Variants in CPXM2 observed in about 807,000 individuals in gnomAD.
CPXM2 encodes inactive carboxypeptidase-like protein X2.
CPXM2 carries 66 observed loss-of-function variants against 86.1 expected under a neutral mutation model. The ratio of observed to expected loss-of-function variants is 0.77; its 90% CI spans 0.63 to 0.94. The LOEUF (loss-of-function observed/expected upper bound fraction) is 0.94, where lower values mean the gene tolerates loss of function less well. Ranked by LOEUF, CPXM2 falls within the 40% of genes least tolerant of loss-of-function variation. The pLI is 0.00. For synonymous variants in CPXM2, 388 were observed against 400.2 expected (o/e 0.97, Z 0.36); for missense variants, 948 against 1,026.3 (o/e 0.92, Z 1.04).
intron 2 of CPXM2, among the ~76,000 whole-genome samples, chr10:123,935,071 C>T (rs1387023967): frequency 2.0e-5 from 3 of 152,196 alleles, no homozygotes; most frequent in Non-Finnish European, 2.9e-5. Context: ...GACTTAACTT[C>T]CTGTCTTGGT....
intron 2 of CPXM2, among the ~76,000 whole-genome samples, chr10:123,898,545 G>C (rs1417218379): frequency 6.6e-6 from 1 of 152,148 alleles, no homozygotes; most frequent in African/African-American, 2.4e-5. Flanking sequence ...GGCTGAGACA[G>C]GAGGATCACT....
chr10:123,814,821 C>G (rs1167524094), intron 4 of CPXM2, among the ~76,000 whole-genome samples: 1 of 152,086 alleles, frequency 6.6e-6, no homozygotes, highest in Non-Finnish European at 1.5e-5. Flanking sequence ...GTCAGGAGTT[C>G]AAGACCAACT....
chr10:123,934,185 G>A (rs576297546), intron 2 of CPXM2, among the ~76,000 whole-genome samples: 16 of 152,262 alleles, frequency 1.1e-4, no homozygotes, highest in South Asian at 8.3e-4. Context: ...CAATGACACC[G>A]AGCCCTGCAT....
In CPXM2 at chr10:123,746,741, C is replaced by T. The variant is rs201749379; in HGVS notation, c.*23G>A. 1.6e-4 allele frequency: 262 copies of T among 1,611,570 alleles called. No homozygotes were observed. Among genetic ancestry groups the T allele is most frequent in the Non-Finnish European group, 2.0e-4 (235 of 1,178,808 alleles). On this transcript the variant is annotated 3_prime_UTR_variant, in exon 14 of 14. Transcript: ENST00000241305. ...TGGTTTAATTTGCATGGGTCCCAGA[C>T]GAGTCTCAAGGGCCCAGGAGGGTCA...
intron 2 of CPXM2, among the ~76,000 whole-genome samples, chr10:123,870,460 C>T (rs1357897079): frequency 6.6e-6 from 1 of 152,194 alleles, no homozygotes; most frequent in African/African-American, 2.4e-5. Context: ...TTCATTGTCG[C>T]CTATAAATGG....
At chr10:123,749,144 G>C (rs1564747939) in intron 13 of CPXM2, among the ~76,000 whole-genome samples, 1 of 152,134 alleles carries the variant, frequency 6.6e-6, no homozygotes, top group Non-Finnish European at 1.5e-5. Flanking sequence ...AGGGTGCTCA[G>C]AGGGGATTAG....
At chr10:123,787,141 G>A (rs914516821) in intron 6 of CPXM2, among the ~76,000 whole-genome samples, 7 of 152,196 alleles carry the variant, frequency 4.6e-5, no homozygotes, top group African/African-American at 7.2e-5. Context: ...GTGGCTCCCA[G>A]GTGGCTACAG....
intron 2 of CPXM2, among the ~76,000 whole-genome samples, chr10:123,923,638 T>C (rs1415885139): frequency 6.6e-6 from 1 of 151,856 alleles, no homozygotes; most frequent in African/African-American, 2.4e-5. Context: ...TGAACATAAA[T>C]TGGATGATAA....
chr10:123,881,229 T>TCCCCCCCCCCCCCCCCCC (rs1564811040), intron 1 of CPXM2, among the ~76,000 whole-genome samples: 1 of 89,682 alleles, frequency 1.1e-5, no homozygotes, highest in African/African-American at 5.9e-5. Context: ...TGGAGCACCC[T>TCCCCCCCCCCCCCCCCCC]TCTCTTCCCT....
At chr10:123,903,852 G>A (rs1248367697) in intron 2 of CPXM2, among the ~76,000 whole-genome samples, 1 of 152,230 alleles carries the variant, frequency 6.6e-6, no homozygotes, top group Non-Finnish European at 1.5e-5. Flanking sequence ...AGGTTTGCCA[G>A]GCGTAGCTGT....
In CPXM2 at chr10:123,751,791, A is replaced by G. The variant is rs1361505052; in HGVS notation, c.2017+2872T>C. 3.0e-6 allele frequency: 3 copies of G among 985,366 alleles called. No homozygotes were observed. The Admixed American group carries it at 1.8e-4, about 61-fold the overall frequency. 61.0% of individuals were successfully genotyped at this position (985,366 alleles called of 1,614,324 possible). A position where few individuals can be genotyped will look rare whatever the true frequency, so the allele number is the denominator to read the frequency against. ...TTTCTTGAGAACCGAAAGATTCTGA[A>G]ACAGAACAAAGAGCCGTGTGTAAAG... is the stretch of plus-strand genomic sequence containing the variant. On this transcript the variant is annotated intron_variant, in intron 13 of 13. Coordinates refer to ENST00000241305, the MANE Select transcript of CPXM2 (RefSeq NM_198148.3).
chr10:123,783,811 C>G (rs1026136643), intron 6 of CPXM2, among the ~76,000 whole-genome samples: 1 of 152,314 alleles, frequency 6.6e-6, no homozygotes, highest in South Asian at 2.1e-4. Flanking sequence ...TTTATCCTTA[C>G]AGAGGGAGCT....
chr10:123,789,593 T>C (rs1216772847), intron 6 of CPXM2, among the ~76,000 whole-genome samples: 1 of 152,212 alleles, frequency 6.6e-6, no homozygotes, highest in Non-Finnish European at 1.5e-5. Context: ...AACAAATGCT[T>C]GTTCCTTGGT....
intron 13 of CPXM2, among the ~76,000 whole-genome samples, chr10:123,753,642 T>C (rs1013243753): frequency 3.9e-5 from 6 of 152,164 alleles, no homozygotes; most frequent in African/African-American, 1.4e-4. Flanking sequence ...AACAGCTCCT[T>C]GTTCCTGCTG....
chr10:123,925,904 G>T (rs1021391559), intron 2 of CPXM2, among the ~76,000 whole-genome samples: 2 of 152,098 alleles, frequency 1.3e-5, no homozygotes, highest in Admixed American at 1.3e-4. Flanking sequence ...CAAAAATTAG[G>T]GTCCAAGATC....
intron 5 of CPXM2, 119 bp from the exon 6 acceptor site, chr10:123,798,245 A>G: frequency 3.0e-6 from 2 of 660,878 alleles, no homozygotes; most frequent in Non-Finnish European, 4.3e-6. Context: ...TGTGCTGTGC[A>G]TTGAAAAGAA....
chr10:123,883,859 C>T (rs1945136327), intron 1 of CPXM2, among the ~76,000 whole-genome samples: 1 of 152,090 alleles, frequency 6.6e-6, no homozygotes, highest in Non-Finnish European at 1.5e-5. Flanking sequence ...ATGGTCCATG[C>T]AGATGAAAGA....
chr10:123,773,619 C>T (rs534862024), intron 7 of CPXM2, among the ~76,000 whole-genome samples: 4 of 152,122 alleles, frequency 2.6e-5, no homozygotes, highest in Non-Finnish European at 4.4e-5. Context: ...AAATACACAC[C>T]GCTCCTTCCC....
chr10:123,837,942 C>A lies in CPXM2; in HGVS notation c.653+4407G>T, dbSNP rs557036513. Among the ~76,000 whole-genome samples the A allele has an allele frequency of 1.2e-4, 19 of 152,276 alleles. No homozygotes were observed. The South Asian group carries it at 3.9e-3, about 32-fold the overall frequency. Reference sequence around the variant, plus strand: ...TTGTCTCCCAGGTCTCACAGCAGCTCCCCTGTGCCCATTTACCATGGCATG... The same window carrying A: ...TTGTCTCCCAGGTCTCACAGCAGCTACCCTGTGCCCATTTACCATGGCATG... On this transcript the variant is annotated intron_variant, in intron 4 of 13. Transcript: ENST00000241305.
Sources: gnomAD v4.1 joint callset for allele counts (sites outside exome capture counted in the v4.1 genomes callset) on GRCh38, gnomAD v4.1.1 for gene constraint, MANE v1.5 for transcripts, NCBI Gene and HGNC (gene_info 2026-07-23, HGNC 2026-07-21) for gene names.